PDE4D: variants seen among roughly 807,000 people sequenced by gnomAD.
The protein encoded by PDE4D is phosphodiesterase 4D.
PDE4D carries 24 observed loss-of-function variants against 87.4 expected under a neutral mutation model. The ratio of observed to expected loss-of-function variants is 0.27; its 90% CI spans 0.20 to 0.39. The LOEUF (loss-of-function observed/expected upper bound fraction) is 0.39. PDE4D is among the 10% of genes least tolerant of loss of function. PDE4D has a pLI of 1.00. For synonymous variants in PDE4D, 384 were observed against 383.2 expected (o/e 1.00, Z -0.02); for missense variants, 714 against 1,041.0 (o/e 0.69, Z 4.32).
At chr5:59,174,136 T>C (rs1378914681) in intron 5 of PDE4D, among the ~76,000 whole-genome samples, 1 of 152,212 alleles carries the variant, frequency 6.6e-6, no homozygotes, top group Admixed American at 6.5e-5. Flanking sequence ...TTCCCCCTTA[T>C]TAATTCTTAG....
At chr5:59,156,318 A>ATATATATATATATATAT (rs530343458) in intron 5 of PDE4D, among the ~76,000 whole-genome samples, 7 of 21,298 alleles carry the variant, frequency 3.3e-4, no homozygotes, top group Non-Finnish European at 5.8e-4. Context: ...AGAAAAAAAA[A>ATATATATATATATATAT]AAATATATAT....
At chr5:59,686,079 T>C (rs760583174) in intron 1 of PDE4D, among the ~76,000 whole-genome samples, 3 of 152,176 alleles carry the variant, frequency 2.0e-5, no homozygotes, top group Non-Finnish European at 4.4e-5. Context: ...CTTTTGTTTA[T>C]GACACAACAG....
intron 5 of PDE4D, among the ~76,000 whole-genome samples, chr5:59,061,142 A>C (rs1269850983): frequency 6.6e-6 from 1 of 152,074 alleles, no homozygotes; most frequent in Non-Finnish European, 1.5e-5. Context: ...AAGTCATTAA[A>C]AACTGGATGG....
chr5:59,938,127 T>C (rs1756803132), intron 3 of PDE4D, among the ~76,000 whole-genome samples: 1 of 152,252 alleles, frequency 6.6e-6, no homozygotes, highest in African/African-American at 2.4e-5. Flanking sequence ...CTAAATTGTA[T>C]TGACTACGTG....
chr5:59,295,190 T>C (rs903827461), intron 1 of PDE4D, among the ~76,000 whole-genome samples: 2 of 152,186 alleles, frequency 1.3e-5, no homozygotes, highest in African/African-American at 4.8e-5. Flanking sequence ...AATGCCATTG[T>C]TTAAGAAAGC....
Position 59,148,812 on chromosome 5 carries a change from C to T in PDE4D, c.808+31783G>A, listed in dbSNP as rs189573872. 4.3e-3 allele frequency among the ~76,000 whole-genome samples: 644 copies of T among 149,978 alleles called. 3 individuals carry two copies. The highest frequency in any genetic ancestry group is 6.6e-3 in the Non-Finnish European group (448 of 67,420). On this transcript the variant is annotated intron_variant, in intron 5 of 14. Coordinates refer to ENST00000340635, the MANE Select transcript of PDE4D (RefSeq NM_001104631.2). ...GTGTGTATCTGTGTGTGTACATACA[C>T]ATTTTAAAAAATTGATTCTGTTCTC...
intron 1 of PDE4D, among the ~76,000 whole-genome samples, chr5:59,723,451 G>A (rs962090761): frequency 2.6e-5 from 4 of 152,018 alleles, no homozygotes; most frequent in East Asian, 1.9e-4. Flanking sequence ...CAAGAAATAC[G>A]GACTATTGTT....
At chr5:59,744,750 A>G (rs1157705957) in intron 1 of PDE4D, among the ~76,000 whole-genome samples, 2 of 152,166 alleles carry the variant, frequency 1.3e-5, no homozygotes, top group Non-Finnish European at 2.9e-5. Context: ...AATGATGAAA[A>G]TGAAGGGTGA....
chr5:59,643,584 T>G (rs1561390624), intron 1 of PDE4D, among the ~76,000 whole-genome samples: 1 of 152,170 alleles, frequency 6.6e-6, no homozygotes, highest in Non-Finnish European at 1.5e-5. Context: ...CCAGTGGAGT[T>G]TTAAAAACAA....
chr5:59,682,347 A>G (rs948519340), intron 1 of PDE4D, among the ~76,000 whole-genome samples: 1 of 152,202 alleles, frequency 6.6e-6, no homozygotes, highest in Non-Finnish European at 1.5e-5. Context: ...TTTGTCAGTA[A>G]TGGTACTAAA....
intron 1 of PDE4D, chr5:59,275,290 CAATCTT>C: frequency 6.9e-7 from 1 of 1,444,496 alleles, no homozygotes; most frequent in Non-Finnish European, 9.6e-7. Flanking sequence ...AGGAGTACGT[CAATCTT>C]AAAAGAGAAA....
chr5:60,412,666 T>C (rs1231081380), intron 1 of PDE4D, among the ~76,000 whole-genome samples: 1 of 152,206 alleles, frequency 6.6e-6, no homozygotes, highest in Non-Finnish European at 1.5e-5. Context: ...ATACTCCTTA[T>C]GTTTCCAATG....
At chr5:59,897,613 C>T (rs1009307269), upstream of PDE4D, among the ~76,000 whole-genome samples, 1 of 152,006 alleles carries the variant, frequency 6.6e-6, no homozygotes, top group East Asian at 1.9e-4. Flanking sequence ...CATCCCACCC[C>T]CCGACAGGCC....
chr5:60,447,607 T>C (rs1364367797), intron 1 of PDE4D, among the ~76,000 whole-genome samples: 1 of 151,940 alleles, frequency 6.6e-6, no homozygotes, highest in Non-Finnish European at 1.5e-5. Flanking sequence ...AGGGAAGTTA[T>C]CTCAAAGGTC....
At position 60,451,594 on chromosome 5, in the gene PDE4D, G is replaced by T. The variant is rs189075360; in HGVS notation, c.-90+36348C>A. Reference sequence around the variant, plus strand: ...CCCATTCTTAGAAGGGATTAAAGGTGGAATTTGACCAAAAGGCAACTGATA... The same window carrying T: ...CCCATTCTTAGAAGGGATTAAAGGTTGAATTTGACCAAAAGGCAACTGATA... On this transcript the variant is annotated intron_variant, in intron 1 of 16. Coordinates refer to the PDE4D transcript ENST00000502484. Among the ~76,000 whole-genome samples, 1,209 of 152,162 alleles carry T rather than the reference G, an allele frequency of 7.9e-3. 21 individuals are homozygous for T. The highest frequency in any genetic ancestry group is 0.028 in the African/African-American group (1,171 of 41,522).
At chr5:60,489,113 AT>A (rs1422729794), upstream of PDE4D, among the ~76,000 whole-genome samples, 6 of 152,242 alleles carry the variant, frequency 3.9e-5, no homozygotes, top group African/African-American at 1.4e-4. Flanking sequence ...AAGCAAAAAA[AT>A]ATGTGAAACT....
intron 1 of PDE4D, among the ~76,000 whole-genome samples, chr5:59,727,416 A>T (rs1306648692): frequency 2.6e-5 from 4 of 152,256 alleles, no homozygotes; most frequent in Admixed American, 1.3e-4. Context: ...TTATCCACGC[A>T]TTAAAAGCAA....
intron 1 of PDE4D, among the ~76,000 whole-genome samples, chr5:60,199,516 A>G (rs1182560296): frequency 1.3e-5 from 2 of 151,744 alleles, no homozygotes; most frequent in African/African-American, 4.8e-5. Context: ...GTGAAAATGG[A>G]AAATGGCAAT....
intron 1 of PDE4D, among the ~76,000 whole-genome samples, chr5:59,369,505 G>C (rs1268514795): frequency 3.3e-5 from 5 of 152,182 alleles, no homozygotes; most frequent in Non-Finnish European, 7.3e-5. Flanking sequence ...TGATGGAGAA[G>C]TGGGATAGCA....
Sources: allele counts gnomAD v4.1 joint callset (sites outside exome capture counted in the v4.1 genomes callset), GRCh38; gene constraint gnomAD v4.1.1; transcripts MANE v1.5; gene names NCBI Gene and HGNC (gene_info 2026-07-23, HGNC 2026-07-21).